IL1RAPL2: variants seen among roughly 807,000 people sequenced by gnomAD.
The protein encoded by IL1RAPL2 is X-linked interleukin-1 receptor accessory protein-like 2.
IL1RAPL2 carries 3 observed loss-of-function variants against 44.1 expected under a neutral mutation model. That is an observed-to-expected ratio of 0.07 (90% confidence interval 0.03 to 0.18). The LOEUF is 0.18. IL1RAPL2 is among the 10% of genes least tolerant of loss of function. The probability of loss-of-function intolerance (pLI) is 1.00; values close to 1 mark genes in which losing one functional copy is unlikely to be tolerated. For missense variants in IL1RAPL2, 391 were observed against 496.4 expected, an observed-to-expected ratio of 0.79 and a Z score of 2.02; for synonymous variants, 181 against 178.8, an observed-to-expected ratio of 1.01 and a Z score of -0.10.
rs149969633 is a variant in IL1RAPL2, at chrX:104,681,482, C to T, written c.82+22487C>T. 7.2e-4 allele frequency among the ~76,000 whole-genome samples: 80 copies of T among 111,449 alleles called. No homozygotes were observed. The East Asian group carries it at 0.019, about 27-fold the overall frequency. On this transcript the variant is annotated intron_variant, in intron 2 of 10. Transcript: ENST00000372582. ...AAGAGAAAGAAAATAAGCTCTAGGA[C>T]GAAAGTTTAAAAGTACTGCAATTAT...
chrX:104,744,256 T>C (rs1419391248), intron 2 of IL1RAPL2, among the ~76,000 whole-genome samples: 2 of 111,579 alleles, frequency 1.8e-5, no homozygotes, highest in Non-Finnish European at 3.8e-5. Context: ...AAGAATATTA[T>C]GAACTGTGGA....
intron 2 of IL1RAPL2, among the ~76,000 whole-genome samples, chrX:104,716,589 A>G (rs1246130786): frequency 9.0e-6 from 1 of 110,943 alleles, no homozygotes; most frequent in Non-Finnish European, 1.9e-5. Flanking sequence ...AACACAAACA[A>G]TCCCGTTAAA....
At position 105,086,653 on chromosome X, in the gene IL1RAPL2, G is replaced by C. The variant is rs536934393; in HGVS notation, c.83-108822G>C. ...ACCACAAAAAGTGATAAGTATTTGA[G>C]GTTATGGCTATGTTAATTACCTTGC... On this transcript the variant is annotated intron_variant, in intron 2 of 10. Coordinates refer to ENST00000372582, the MANE Select transcript of IL1RAPL2 (RefSeq NM_017416.2). Among the ~76,000 whole-genome samples the C allele has an allele frequency of 3.5e-4, 38 of 110,018 alleles. No individual in the cohort carries two copies. In the South Asian group the frequency reaches 0.01, roughly 29 times the overall value.
At chrX:104,941,489 C>T (rs1925174053) in intron 2 of IL1RAPL2, among the ~76,000 whole-genome samples, 1 of 111,948 alleles carries the variant, frequency 8.9e-6, no homozygotes, top group African/African-American at 3.3e-5. Context: ...CTGTTGGCTG[C>T]ATAAATGTCT....
chrX:104,568,158 A>G (rs1314439801), intron 1 of IL1RAPL2, among the ~76,000 whole-genome samples: 1 of 110,638 alleles, frequency 9.0e-6, no homozygotes, highest in African/African-American at 3.3e-5. Context: ...CCTGCCCACC[A>G]CCACTACCTT....
intron 2 of IL1RAPL2, among the ~76,000 whole-genome samples, chrX:105,066,159 G>T (rs1387171320): frequency 1.8e-5 from 2 of 110,903 alleles, no homozygotes; most frequent in Admixed American, 1.9e-4. Context: ...TTTCCTTTCT[G>T]TCCTCACTCC....
rs1282292047 is a variant in IL1RAPL2 at position 104,869,557 on chromosome X, CT to C, written c.82+210570del. ...CTTCCTAGAGTGGGAAAGACTATTTCTTTTTTTTCATTATTATACTTTAAGT... is the reference window on the plus strand; with the variant it reads ...CTTCCTAGAGTGGGAAAGACTATTTCTTTTTTTCATTATTATACTTTAAGT... On this transcript the variant is annotated intron_variant, in intron 2 of 10. Transcript: ENST00000372582. Among the ~76,000 whole-genome samples, 5 of 111,278 alleles carry C rather than the reference CT, an allele frequency of 4.5e-5. No homozygotes were observed. The East Asian group carries it at 8.5e-4, about 19-fold the overall frequency.
intron 2 of IL1RAPL2, among the ~76,000 whole-genome samples, chrX:105,033,570 G>A (rs148126026): frequency 0.064 from 7,043 of 110,207 alleles, 586 homozygotes; most frequent in African/African-American, 0.22. Flanking sequence ...CTTCTGGCTT[G>A]TAGAGTTTCT....
At chrX:105,035,348 G>C (rs2031609376) in intron 2 of IL1RAPL2, among the ~76,000 whole-genome samples, 1 of 112,004 alleles carries the variant, frequency 8.9e-6, no homozygotes, top group Admixed American at 9.5e-5. Flanking sequence ...GCTAGGAGCT[G>C]TAGACTGGAG....
At chrX:105,746,755 C>G (rs1025199951) in intron 8 of IL1RAPL2, among the ~76,000 whole-genome samples, 1 of 111,792 alleles carries the variant, frequency 8.9e-6, no homozygotes, top group African/African-American at 3.3e-5. Context: ...TACCTAATAG[C>G]AACTCTACTC....
chrX:104,890,642 A>G (rs1163359974), intron 2 of IL1RAPL2, among the ~76,000 whole-genome samples: 2 of 110,875 alleles, frequency 1.8e-5, no homozygotes, highest in African/African-American at 6.6e-5. Flanking sequence ...TTTTGATGGG[A>G]TTGTCTGTTT....
rs781567997 is a variant in IL1RAPL2, at chrX:104,839,861, T to C, written c.82+180866T>C. 2.7e-5 allele frequency among the ~76,000 whole-genome samples: 3 copies of C among 112,149 alleles called. No individual in the cohort carries two copies. The South Asian group carries it at 1.1e-3, about 42-fold the overall frequency. ...ATTTATCCATTTCTTCTGGATTTTC[T>C]ATAGTATTCTCTGATGGTACTTTGT... On this transcript the variant is annotated intron_variant, in intron 2 of 10. Transcript: ENST00000372582.
chrX:105,508,562 G>A (rs1415490047), intron 6 of IL1RAPL2, among the ~76,000 whole-genome samples: 4 of 109,422 alleles, frequency 3.7e-5, no homozygotes, highest in African/African-American at 1.3e-4. Context: ...AAAAAAAATA[G>A]TCCTCAGGTG....
chrX:104,866,565 G>C (rs1252131524), intron 2 of IL1RAPL2, among the ~76,000 whole-genome samples: 1 of 111,685 alleles, frequency 9.0e-6, no homozygotes, highest in Admixed American at 9.5e-5. Context: ...TGGCAAAGGA[G>C]AGTAGTTGCC....
At chrX:105,470,103 G>A (rs1437540396) in intron 5 of IL1RAPL2, among the ~76,000 whole-genome samples, 19 of 111,441 alleles carry the variant, frequency 1.7e-4, no homozygotes, top group Admixed American at 9.6e-4. Context: ...CAGGCACCCT[G>A]AGAATGGCAT....
intron 6 of IL1RAPL2, among the ~76,000 whole-genome samples, chrX:105,713,363 C>T (rs776499176): frequency 5.1e-4 from 57 of 111,371 alleles, no homozygotes; most frequent in Non-Finnish European, 9.2e-4. Context: ...GAAATCTAGG[C>T]GGAGGGTCCC....
chrX:104,994,204 G>T (rs1354257430), intron 2 of IL1RAPL2, among the ~76,000 whole-genome samples: 1 of 111,635 alleles, frequency 9.0e-6, no homozygotes, highest in African/African-American at 3.2e-5. Context: ...AATTAAAATA[G>T]GTGAGCTGCT....
At chrX:104,713,235 T>C (rs962598284) in intron 2 of IL1RAPL2, among the ~76,000 whole-genome samples, 1 of 110,497 alleles carries the variant, frequency 9.1e-6, no homozygotes, top group Non-Finnish European at 1.9e-5. Flanking sequence ...TAAAGAATAA[T>C]GGACTTGGTG....
intron 1 of IL1RAPL2, among the ~76,000 whole-genome samples, chrX:104,630,581 A>G (rs1929620260): frequency 9.1e-6 from 1 of 110,488 alleles, no homozygotes; most frequent in Non-Finnish European, 1.9e-5. Context: ...TACAGGCCTG[A>G]GCCACTGTGC....
Sources: allele counts gnomAD v4.1 joint callset (sites outside exome capture counted in the v4.1 genomes callset), GRCh38; gene constraint gnomAD v4.1.1; transcripts MANE v1.5; gene names NCBI Gene and HGNC (gene_info 2026-07-23, HGNC 2026-07-21).